Variants in B3GALNT1 observed in about 807,000 individuals in gnomAD.
B3GALNT1 encodes the protein UDP-GalNAc:beta-1,3-N-acetylgalactosaminyltransferase 1.
In B3GALNT1, 17 loss-of-function variants were observed where a neutral mutation model predicts 27.3. The observed-to-expected ratio is 0.62, with a 90% confidence interval of 0.43 to 0.94. The LOEUF is 0.94. Ranked by LOEUF, B3GALNT1 falls within the 40% of genes least tolerant of loss-of-function variation. The pLI is 0.00. For missense variants in B3GALNT1, 347 were observed against 390.0 expected (o/e 0.89, Z 0.93); for synonymous variants, 141 against 144.0 (o/e 0.98, Z 0.15).
At position 161,086,061 on chromosome 3, in the gene B3GALNT1, T is replaced by C. The variant is rs1461586786; in HGVS notation, c.694A>G (p.Lys232Glu). 3.8e-6 allele frequency: 6 copies of C among 1,594,356 alleles called. No homozygotes were observed. The highest frequency in any genetic ancestry group is 5.1e-6 in the Non-Finnish European group (6 of 1,171,986). ...THISYQEYPF[K>E]VFPPYCSGLG... ...CCACTGCAGTATGGAGGGAACACCTTGAAAGGATACTCCTGGTAAGAAATA... is the reference window on the plus strand; with the variant it reads ...CCACTGCAGTATGGAGGGAACACCTCGAAAGGATACTCCTGGTAAGAAATA... The change falls in exon 5 of 5, where the codon AAG becomes GAG. Residue 232 changes from lysine to glutamate, a missense_variant. Transcript: ENST00000320474.
Position 161,085,984 on chromosome 3 carries a change from C to T in B3GALNT1, c.771G>A (p.Met257Ile). The T allele has an allele frequency of 6.3e-7, 1 of 1,588,270 alleles. No homozygotes were observed. The highest frequency in any genetic ancestry group is 8.6e-7 in the Non-Finnish European group (1 of 1,168,538). Residue 257 changes from methionine (M) to isoleucine (I), a missense_variant, in exon 5 of 5, where the codon ATG (methionine) becomes ATA (isoleucine). Coordinates refer to ENST00000320474, the MANE Select transcript of B3GALNT1 (RefSeq NM_003781.4). ...RDLVPRIYEM[M>I]GHVKPIKFED... ...CAAACTTGATGGGTTTTACGTGACC[C>T]ATCATTTCATAGATCCTTGGCACCA... is the stretch of plus-strand genomic sequence containing the variant.
chr3:161,091,417 T>C (rs1725032615), intron 4 of B3GALNT1, among the ~76,000 whole-genome samples: 1 of 152,152 alleles, frequency 6.6e-6, no homozygotes, highest in South Asian at 2.1e-4. Context: ...ATTCCAGAAA[T>C]AAACAATTCA....
In B3GALNT1 at chr3:161,102,741, T is replaced by C. The variant is rs1732049599; in HGVS notation, c.-130+686A>G. Among the ~76,000 whole-genome samples the C allele has an allele frequency of 1.3e-5, 2 of 152,138 alleles. 1 individual carries two copies. The highest frequency in any genetic ancestry group is 4.8e-5 in the African/African-American group (2 of 41,414). ...TGGCTATCTACCACACAGTGGGAGT[T>C]TACCCCATAGCGAGCAACCATGATC... is the stretch of plus-strand genomic sequence containing the variant. On this transcript the variant is annotated intron_variant, in intron 3 of 4. Transcript: ENST00000320474.
chr3:161,102,655 T>A (rs1731995329), intron 3 of B3GALNT1, among the ~76,000 whole-genome samples: 1 of 152,208 alleles, frequency 6.6e-6, no homozygotes, highest in Non-Finnish European at 1.5e-5. Context: ...TTTGAATGTA[T>A]CTGTTGTGCA....
At chr3:161,102,483 C>T (rs1576774105) in intron 3 of B3GALNT1, among the ~76,000 whole-genome samples, 1 of 152,318 alleles carries the variant, frequency 6.6e-6, no homozygotes, top group Middle Eastern at 3.4e-3. Context: ...CTAGCTCATC[C>T]TCTCATCTTC....
chr3:161,086,017 G>A lies in B3GALNT1; in HGVS notation c.738C>T (p.Ser246=). 6.3e-7 allele frequency: 1 copy of A among 1,587,036 alleles called. No individual in the cohort carries two copies. The highest frequency in any genetic ancestry group is 1.2e-5 in the South Asian group (1 of 85,276). ...PYCSGLGYIM[S]RDLVPRIYEM... ...CATAGATCCTTGGCACCAAATCTCT[G>A]GACATTATATAACCCAACCCACTGC... Residue 246 remains serine (S), a synonymous_variant, in exon 5 of 5, where the codon TCC becomes TCT. Coordinates refer to ENST00000320474, the MANE Select transcript of B3GALNT1 (RefSeq NM_003781.4).
intron 4 of B3GALNT1, among the ~76,000 whole-genome samples, chr3:161,088,640 C>A (rs1309681968): frequency 2.0e-5 from 3 of 152,218 alleles, no homozygotes; most frequent in African/African-American, 7.2e-5. Flanking sequence ...TTTCTCCTCA[C>A]CTGGCTACTG....
chr3:161,102,216 AC>A (rs1242634907), intron 3 of B3GALNT1, among the ~76,000 whole-genome samples: 2 of 137,918 alleles, frequency 1.5e-5, no homozygotes, highest in Admixed American at 7.6e-5. Context: ...CAGATAACAG[AC>A]ACAGAAAGAG....
chr3:161,088,056 A>T (rs903952618), intron 4 of B3GALNT1, among the ~76,000 whole-genome samples: 2 of 152,074 alleles, frequency 1.3e-5, no homozygotes, highest in African/African-American at 4.8e-5. Flanking sequence ...AGCTGGAATT[A>T]ACTATGGAGG....
At chr3:161,105,058 A>G (rs889197944) in intron 1 of B3GALNT1, 177 bp downstream of exon 1, 1 of 151,940 alleles carries the variant, frequency 6.6e-6, no homozygotes, top group African/African-American at 2.4e-5. Context: ...CGGCGGCTCA[A>G]CCTGGGCCAC....
At chr3:161,086,927 CTTCAT>C (rs1722365433) in intron 4 of B3GALNT1, 139 bp from the exon 5 acceptor site, 2 of 868,382 alleles carry the variant, frequency 2.3e-6, no homozygotes, top group Admixed American at 2.2e-5. Context: ...CTTGAATCTA[CTTCAT>C]TTAACTGTAA....
In B3GALNT1 at chr3:161,104,336, A is replaced by G. The variant is rs1280371084; in HGVS notation, c.-238T>C. ...TTCCTTACCTCTGAAAACAGAAAAA[A>G]AGACATGGTTTGGCAATTTCTTCCT... On this transcript the variant is annotated 5_prime_UTR_variant, in exon 2 of 5. Coordinates refer to ENST00000320474, the MANE Select transcript of B3GALNT1 (RefSeq NM_003781.4). 2.3e-6 allele frequency: 3 copies of G among 1,289,640 alleles called. No homozygotes were observed. The highest frequency in any genetic ancestry group is 3.0e-5 in the African/African-American group (2 of 65,856). The allele number at this position is 1,289,640 out of a possible 1,614,324, so 79.9% of individuals were successfully genotyped here.
At chr3:161,089,247 C>CA (rs1723639632) in intron 4 of B3GALNT1, among the ~76,000 whole-genome samples, 1 of 152,200 alleles carries the variant, frequency 6.6e-6, no homozygotes, top group Non-Finnish European at 1.5e-5. Context: ...AGGTATTCAA[C>CA]AAACAGAAGC....
intron 3 of B3GALNT1, among the ~76,000 whole-genome samples, chr3:161,101,683 C>T (rs1731365540): frequency 6.6e-6 from 1 of 152,034 alleles, no homozygotes; most frequent in African/African-American, 2.4e-5. Flanking sequence ...AACTAGTGAC[C>T]AAAATCCACA....
Position 161,086,125 on chromosome 3 carries a change from A to T in B3GALNT1, c.630T>A (p.Ile210=). ...SEKFFTGYPL[I]DNYSYRGFYQ... ...AAAATCCTCTATAGGAATAATTATC[A>T]ATTAGAGGATAACCTGTGAAAAACT... Residue 210 remains isoleucine, a synonymous_variant, in exon 5 of 5, where the codon ATT becomes ATA. Coordinates refer to ENST00000320474, the MANE Select transcript of B3GALNT1 (RefSeq NM_003781.4). 1 of 1,607,894 alleles carries T rather than the reference A, an allele frequency of 6.2e-7. No individual in the cohort carries two copies. Among genetic ancestry groups the T allele is most frequent in the South Asian group, 1.1e-5 (1 of 89,958 alleles).
In B3GALNT1 at chr3:161,102,559, T is replaced by C. The variant is rs899948099; in HGVS notation, c.-130+868A>G. Among the ~76,000 whole-genome samples the C allele has an allele frequency of 2.2e-4, 34 of 152,220 alleles. 1 individual carries two copies. Among genetic ancestry groups the C allele is most frequent in the African/African-American group, 7.7e-4 (32 of 41,464 alleles). On this transcript the variant is annotated intron_variant, in intron 3 of 4. Transcript: ENST00000320474. Reference sequence around the variant, plus strand: ...CAAAAGCAAATCAGTATTTATAATATACAATTTTTTATTAGTATAAAAGCA... The same window carrying C: ...CAAAAGCAAATCAGTATTTATAATACACAATTTTTTATTAGTATAAAAGCA...
chr3:161,093,770 G>A (rs561834336), intron 4 of B3GALNT1, among the ~76,000 whole-genome samples: 72 of 152,224 alleles, frequency 4.7e-4, no homozygotes, highest in African/African-American at 1.2e-3. Flanking sequence ...AGGCTAAGGC[G>A]GGAGGATCGC....
At position 161,086,195 on chromosome 3, in the gene B3GALNT1, G is replaced by A; in HGVS notation, c.560C>T (p.Thr187Ile). The A allele has an allele frequency of 6.2e-7, 1 of 1,614,098 alleles. No individual in the cohort carries two copies. The highest frequency in any genetic ancestry group is 8.5e-7 in the Non-Finnish European group (1 of 1,180,000). ...MKTDTDVFIN[T>I]GNLVKYLLNL... ...TAAAAGATACTTCACTAAATTGCCA[G>A]TATTGATGAAAACATCAGTGTCTGT... Residue 187 changes from threonine (T) to isoleucine (I), a missense_variant, in exon 5 of 5, where the codon ACT becomes ATT. Coordinates refer to ENST00000320474, the MANE Select transcript of B3GALNT1 (RefSeq NM_003781.4).
rs919646105 is a variant in B3GALNT1 at position 161,083,978 on chromosome 3, G to A, written c.*1781C>T. The A allele has an allele frequency of 6.6e-6, 1 of 152,254 alleles. No homozygotes were observed. The highest frequency in any genetic ancestry group is 1.9e-4 in the East Asian group (1 of 5,186). The allele number at this position is 152,254 out of a possible 1,614,324, so 9.4% of individuals were successfully genotyped here. ...AATGTGCTGTACTTTTATACAACTG[G>A]CAGTGTAGTAGGTTTGTTTACACCA... On this transcript the variant is annotated 3_prime_UTR_variant, in exon 5 of 5. Coordinates refer to ENST00000320474, the MANE Select transcript of B3GALNT1 (RefSeq NM_003781.4).
Sources: allele counts gnomAD v4.1 joint callset (sites outside exome capture counted in the v4.1 genomes callset), GRCh38; gene constraint gnomAD v4.1.1; transcripts MANE v1.5; gene names NCBI Gene and HGNC (gene_info 2026-07-23, HGNC 2026-07-21).